Variants in KIAA1217 observed in about 807,000 individuals in gnomAD.
The protein encoded by KIAA1217 is sickle tail protein homolog.
In KIAA1217, 88 loss-of-function variants were observed where a neutral mutation model predicts 163.9. That is an observed-to-expected ratio of 0.54 (90% confidence interval 0.45 to 0.64). KIAA1217 has a LOEUF of 0.64. Among genes scored for constraint, KIAA1217 ranks in the 30% least tolerant of loss-of-function variants. KIAA1217 has a pLI of 0.00. For missense variants in KIAA1217, 2,372 were observed against 2,475.0 expected, an observed-to-expected ratio of 0.96 and a Z score of 0.88; for synonymous variants, 903 against 923.1, an observed-to-expected ratio of 0.98 and a Z score of 0.39.
intron 1 of KIAA1217, among the ~76,000 whole-genome samples, chr10:23,841,080 T>G (rs1463092310): frequency 4.6e-5 from 7 of 152,208 alleles, no homozygotes; most frequent in Admixed American, 4.6e-4. Flanking sequence ...GAATATTAAA[T>G]AAGCACATAG....
intron 1 of KIAA1217, among the ~76,000 whole-genome samples, chr10:23,989,189 T>C (rs1308963441): frequency 6.6e-6 from 1 of 152,152 alleles, no homozygotes; most frequent in African/African-American, 2.4e-5. Flanking sequence ...ATAAGCAACA[T>C]TTACCATTGA....
chr10:24,262,458 T>C (rs111604225), intron 2 of KIAA1217, among the ~76,000 whole-genome samples: 62 of 152,040 alleles, frequency 4.1e-4, no homozygotes, highest in Non-Finnish European at 9.0e-4. Context: ...AAACTCCGTG[T>C]CTACTAAAAA....
chr10:24,281,156 A>G (rs1343082351), intron 2 of KIAA1217, among the ~76,000 whole-genome samples: 1 of 152,250 alleles, frequency 6.6e-6, no homozygotes, highest in East Asian at 1.9e-4. Flanking sequence ...GCTCCCACAT[A>G]CAATGTATGC....
intron 2 of KIAA1217, among the ~76,000 whole-genome samples, chr10:24,128,019 G>A (rs1399739711): frequency 6.6e-6 from 1 of 152,164 alleles, no homozygotes; most frequent in Admixed American, 6.5e-5. Flanking sequence ...TATTTCTGAA[G>A]CCTCACCAAA....
At chr10:24,380,749 T>G (rs2053191346) in intron 2 of KIAA1217, 120 bp from the exon 3 acceptor site, 1 of 669,518 alleles carries the variant, frequency 1.5e-6, no homozygotes, top group Non-Finnish European at 2.3e-6. Flanking sequence ...CTAACCCTTG[T>G]GATGGACTGT....
chr10:23,871,454 GA>G (rs1840452077), intron 1 of KIAA1217, among the ~76,000 whole-genome samples: 1 of 151,988 alleles, frequency 6.6e-6, no homozygotes, highest in African/African-American at 2.4e-5. Context: ...CCCACCACAA[GA>G]GGGAAGTTCT....
At chr10:24,335,584 T>TTTTTTTTA (rs1554820370) in intron 2 of KIAA1217, among the ~76,000 whole-genome samples, 217 of 138,418 alleles carry the variant, frequency 1.6e-3, no homozygotes, top group African/African-American at 5.2e-3. Flanking sequence ...TTTTATCTTA[T>TTTTTTTTA]TTTATTTATT....
chr10:23,818,350 A>AAT (rs1564448686), intron 1 of KIAA1217, among the ~76,000 whole-genome samples: 11 of 126,986 alleles, frequency 8.7e-5, no homozygotes, highest in African/African-American at 3.3e-5. Context: ...ATATATAAAA[A>AAT]AATATATATA....
intron 2 of KIAA1217, among the ~76,000 whole-genome samples, chr10:24,034,562 C>CAA (rs773055132): frequency 0.27 from 29,279 of 109,906 alleles, 4,050 homozygotes; most frequent in East Asian, 0.47. Context: ...GACCCTGTCT[C>CAA]AAAAAAAAAA....
chr10:23,936,890 T>C lies in KIAA1217; in HGVS notation c.-320-70335T>C, dbSNP rs555961223. On this transcript the variant is annotated intron_variant, in intron 1 of 18. Coordinates refer to the KIAA1217 transcript ENST00000376462. ...ATACAGTTGAAGTCTCCTTTCATTC[T>C]TTTTTTTTGACAGTGTTTCTCTTTG... Among the ~76,000 whole-genome samples the C allele has an allele frequency of 1.5e-4, 22 of 151,660 alleles. 1 individual carries two copies. In the South Asian group the frequency reaches 3.8e-3, roughly 26 times the overall value.
intron 1 of KIAA1217, among the ~76,000 whole-genome samples, chr10:23,726,357 GTTTA>G (rs948795202): frequency 6.7e-6 from 1 of 148,836 alleles, no homozygotes; most frequent in African/African-American, 2.5e-5. Flanking sequence ...CAGATTACAT[GTTTA>G]TTTTATTTAT....
intron 2 of KIAA1217, among the ~76,000 whole-genome samples, chr10:24,170,553 T>C (rs759881342): frequency 3.9e-5 from 6 of 152,080 alleles, no homozygotes; most frequent in Non-Finnish European, 8.8e-5. Context: ...CAAGGATGGG[T>C]GCACAGTAAA....
In KIAA1217 at chr10:24,044,447, C is replaced by T. The variant is rs1047429440; in HGVS notation, c.-171+37073C>T. On this transcript the variant is annotated intron_variant, in intron 2 of 18. Coordinates refer to the KIAA1217 transcript ENST00000376462. The stretch of plus-strand genomic sequence containing the variant: ...AATCTTGACGTAGCTTATCACGTGT[C>T]AGATTTTATTTCTTTCTTGTGTAAT... Among the ~76,000 whole-genome samples the T allele has an allele frequency of 5.3e-5, 8 of 152,176 alleles. 1 individual carries two copies. In the Middle Eastern group the frequency reaches 0.02, roughly 388 times the overall value.
chr10:23,886,790 A>G (rs1841193331), intron 1 of KIAA1217, among the ~76,000 whole-genome samples: 2 of 151,450 alleles, frequency 1.3e-5, no homozygotes, highest in South Asian at 4.1e-4. Flanking sequence ...GTCATTTGAT[A>G]ACAAATTAGT....
intron 1 of KIAA1217, among the ~76,000 whole-genome samples, chr10:23,764,893 G>A (rs1294625046): frequency 2.6e-5 from 4 of 152,088 alleles, no homozygotes; most frequent in Non-Finnish European, 1.5e-5. Context: ...TGCACGTTGT[G>A]CACACACACA....
chr10:24,080,871 A>G (rs562610070), intron 2 of KIAA1217, among the ~76,000 whole-genome samples: 1 of 141,568 alleles, frequency 7.1e-6, no homozygotes, highest in African/African-American at 3.2e-5. Flanking sequence ...CGTTTGTCAA[A>G]ATTATTTTTA....
chr10:23,866,180 G>A (rs1223236188), intron 1 of KIAA1217, among the ~76,000 whole-genome samples: 1 of 152,086 alleles, frequency 6.6e-6, no homozygotes, highest in African/African-American at 2.4e-5. Flanking sequence ...GCTGGTGGCT[G>A]CATTCTATGA....
chr10:24,313,747 T>G (rs901243808), intron 2 of KIAA1217, among the ~76,000 whole-genome samples: 1 of 152,122 alleles, frequency 6.6e-6, no homozygotes, highest in Non-Finnish European at 1.5e-5. Context: ...GAATGTTTTT[T>G]TCATCCAACA....
intron 2 of KIAA1217, among the ~76,000 whole-genome samples, chr10:24,049,309 A>G (rs1377970619): frequency 1.3e-5 from 2 of 152,188 alleles, no homozygotes; most frequent in African/African-American, 4.8e-5. Flanking sequence ...GAGAAGCATG[A>G]ATCACTGTGG....
Sources: gnomAD v4.1 joint callset for allele counts (sites outside exome capture counted in the v4.1 genomes callset) on GRCh38, gnomAD v4.1.1 for gene constraint, MANE v1.5 for transcripts, NCBI Gene and HGNC (gene_info 2026-07-23, HGNC 2026-07-21) for gene names.